The following OPCML variants were observed in gnomAD, a reference collection of about 807,000 sequenced individuals.
The protein encoded by OPCML is opioid binding protein/cell adhesion molecule like.
OPCML carries 13 observed loss-of-function variants against 37.8 expected under a neutral mutation model. That is an observed-to-expected ratio of 0.34 (90% CI 0.22 to 0.55). The LOEUF (loss-of-function observed/expected upper bound fraction) is 0.55. Ranked by LOEUF, OPCML falls within the 20% of genes least tolerant of loss-of-function variation. OPCML has a pLI of 0.91. For synonymous variants in OPCML, 176 were observed against 168.8 expected, an observed-to-expected ratio of 1.04 and a Z score of -0.33; for missense variants, 341 against 435.6, an observed-to-expected ratio of 0.78 and a Z score of 1.93.
intron 4 of OPCML, among the ~76,000 whole-genome samples, chr11:132,490,802 C>T (rs1287343304): frequency 6.8e-6 from 1 of 148,038 alleles, no homozygotes; most frequent in Non-Finnish European, 1.5e-5. Context: ...CAGAGCGAGA[C>T]TCTATCTCAA....
At chr11:132,495,958 A>G in intron 4 of OPCML, among the ~76,000 whole-genome samples, 1 of 152,082 alleles carries the variant, frequency 6.6e-6, no homozygotes, top group East Asian at 1.9e-4. Flanking sequence ...ATTTCATGGA[A>G]TTTTACTGAT....
chr11:132,691,725 A>T (rs1943413306), intron 2 of OPCML, among the ~76,000 whole-genome samples: 1 of 152,188 alleles, frequency 6.6e-6, no homozygotes, highest in Non-Finnish European at 1.5e-5. Flanking sequence ...ATCCAGTTTC[A>T]TTACCAAGTC....
At chr11:133,065,807 C>CCCGAGGCTCCTGCTGCTGCGCACGCTGG (rs1948432953) in intron 1 of OPCML, 1 of 152,438 alleles carries the variant, frequency 6.6e-6, no homozygotes, top group African/African-American at 2.4e-5. Flanking sequence ...CCCGCAAGCA[C>CCCGAGGCTCCTGCTGCTGCGCACGCTGG]CCGAGGCTCC....
At chr11:133,347,689 C>G (rs921382091) in intron 1 of OPCML, among the ~76,000 whole-genome samples, 1 of 152,136 alleles carries the variant, frequency 6.6e-6, no homozygotes, top group African/African-American at 2.4e-5. Flanking sequence ...AATTTAATTT[C>G]TAAATAAGTG....
intron 4 of OPCML, 110 bp from the exon 5 acceptor site, chr11:132,437,469 T>A: frequency 3.3e-6 from 5 of 1,527,400 alleles, no homozygotes; most frequent in Non-Finnish European, 4.4e-6. Flanking sequence ...GCCATCAGAA[T>A]GGAGTAGGAC....
intron 3 of OPCML, among the ~76,000 whole-genome samples, chr11:132,634,658 C>G (rs1466362865): frequency 6.6e-6 from 1 of 152,114 alleles, no homozygotes; most frequent in African/African-American, 2.4e-5. Flanking sequence ...CAGGAAGAGA[C>G]TTTAGAGATG....
intron 1 of OPCML, among the ~76,000 whole-genome samples, chr11:133,096,015 A>G (rs976915139): frequency 6.6e-6 from 1 of 152,074 alleles, no homozygotes; most frequent in Admixed American, 6.5e-5. Flanking sequence ...ACATAAAGGA[A>G]GTGCACTGAA....
chr11:133,436,866 G>A (rs35532615), intron 1 of OPCML, among the ~76,000 whole-genome samples: 21,734 of 152,096 alleles, frequency 0.14, 1,770 homozygotes, highest in African/African-American at 0.21. Flanking sequence ...TAGGACTCAG[G>A]GGTATGATGG....
intron 1 of OPCML, among the ~76,000 whole-genome samples, chr11:133,388,553 C>T (rs925060944): frequency 6.6e-6 from 1 of 152,178 alleles, no homozygotes; most frequent in Non-Finnish European, 1.5e-5. Flanking sequence ...TGTAACACTT[C>T]AGCTTAATCT....
At chr11:133,370,463 C>T (rs191630278) in intron 1 of OPCML, among the ~76,000 whole-genome samples, 2 of 149,322 alleles carry the variant, frequency 1.3e-5, no homozygotes, top group Non-Finnish European at 3.0e-5. Flanking sequence ...GAAGGAAATC[C>T]CGTTTACAAT....
chr11:133,027,511 G>A (rs1300424204), intron 1 of OPCML, among the ~76,000 whole-genome samples: 1 of 150,162 alleles, frequency 6.7e-6, no homozygotes, highest in Non-Finnish European at 1.5e-5. Flanking sequence ...TGTGTGTAGT[G>A]CGGTGTGTGT....
chr11:132,786,563 G>A (rs1190660783), intron 2 of OPCML, among the ~76,000 whole-genome samples: 1 of 151,854 alleles, frequency 6.6e-6, no homozygotes, highest in East Asian at 1.9e-4. Flanking sequence ...TACTTTTTTT[G>A]CCTCTTAGGA....
intron 2 of OPCML, among the ~76,000 whole-genome samples, chr11:132,744,096 T>C (rs1470496302): frequency 1.3e-5 from 2 of 152,214 alleles, no homozygotes; most frequent in East Asian, 3.8e-4. Context: ...ACAGTTAGTA[T>C]TCACTATGTT....
intron 2 of OPCML, among the ~76,000 whole-genome samples, chr11:132,700,956 A>T (rs1943788240): frequency 6.6e-6 from 1 of 152,194 alleles, no homozygotes; most frequent in Non-Finnish European, 1.5e-5. Flanking sequence ...TTACATATTT[A>T]GGTTCCCCTG....
At chr11:133,260,077 A>T (rs1295591086) in intron 1 of OPCML, among the ~76,000 whole-genome samples, 1 of 151,982 alleles carries the variant, frequency 6.6e-6, no homozygotes, top group African/African-American at 2.4e-5. Flanking sequence ...TAATAGGTGG[A>T]TCAGCAATGA....
intron 3 of OPCML, among the ~76,000 whole-genome samples, chr11:132,579,082 A>G (rs939348817): frequency 6.6e-6 from 1 of 152,184 alleles, no homozygotes; most frequent in African/African-American, 2.4e-5. Context: ...CCATTTTTCT[A>G]GGGCAGACAG....
chr11:133,233,524 A>G (rs61912363), intron 1 of OPCML, among the ~76,000 whole-genome samples: 22,124 of 152,092 alleles, frequency 0.15, 2,364 homozygotes, highest in East Asian at 0.54. Flanking sequence ...TCTCCATATA[A>G]TTTTGAAACA....
chr11:132,426,447 C>CT (rs796935933), intron 7 of OPCML, among the ~76,000 whole-genome samples: 3 of 151,220 alleles, frequency 2.0e-5, no homozygotes, highest in East Asian at 1.9e-4. Context: ...TTTGCCATTA[C>CT]TTTTTTTTTA....
In OPCML at chr11:132,472,630, T is replaced by C. The variant is rs115556420; in HGVS notation, c.506-35271A>G. ...GTTCTCCATGGTAACTGGGTCACAGTAGCTTGCAGCTTGGCCAGGGCTTCA... is the reference window on the plus strand; with the variant it reads ...GTTCTCCATGGTAACTGGGTCACAGCAGCTTGCAGCTTGGCCAGGGCTTCA... On this transcript the variant is annotated intron_variant, in intron 4 of 7. Coordinates refer to ENST00000524381, the MANE Select transcript of OPCML (RefSeq NM_001012393.5). Among the ~76,000 whole-genome samples, 1,414 of 152,342 alleles carry C rather than the reference T, an allele frequency of 9.3e-3. 19 individuals are homozygous for C. The highest frequency in any genetic ancestry group is 0.033 in the African/African-American group (1,361 of 41,570).
Sources: allele counts gnomAD v4.1 joint callset (sites outside exome capture counted in the v4.1 genomes callset), GRCh38; gene constraint gnomAD v4.1.1; transcripts MANE v1.5; gene names NCBI Gene and HGNC (gene_info 2026-07-23, HGNC 2026-07-21).